Variants in CNTN4 observed in about 807,000 individuals in gnomAD.
CNTN4 encodes the protein contactin-4.
A neutral mutation model predicts 122.5 loss-of-function variants in CNTN4; 77 were observed. That is an observed-to-expected ratio of 0.63 (90% confidence interval 0.52 to 0.76). The LOEUF is 0.76. CNTN4 is among the 30% of genes least tolerant of loss of function. The pLI is 0.00. For synonymous variants in CNTN4, 512 were observed against 447.0 expected (o/e 1.15, Z -1.83); for missense variants, 1,256 against 1,259.1 (o/e 1.00, Z 0.04).
At chr3:2,273,649 G>C (rs76830664) in intron 2 of CNTN4, among the ~76,000 whole-genome samples, 1 of 152,124 alleles carries the variant, frequency 6.6e-6, no homozygotes, top group African/African-American at 2.4e-5. Context: ...AGCCTGCCTA[G>C]TAAAGGAAAT....
intron 13 of CNTN4, among the ~76,000 whole-genome samples, chr3:2,974,211 T>A (rs1402580539): frequency 6.6e-6 from 1 of 152,218 alleles, no homozygotes; most frequent in Non-Finnish European, 1.5e-5. Flanking sequence ...TTTATCACAT[T>A]TATTTTTATG....
intron 2 of CNTN4, among the ~76,000 whole-genome samples, chr3:2,236,888 A>G (rs1466319459): frequency 6.6e-6 from 1 of 152,184 alleles, no homozygotes; most frequent in Non-Finnish European, 1.5e-5. Flanking sequence ...AGTAGGCAGA[A>G]GACGGTTAAG....
chr3:2,274,897 G>A (rs201708156), intron 2 of CNTN4, among the ~76,000 whole-genome samples: 1 of 122,338 alleles, frequency 8.2e-6, no homozygotes, highest in Non-Finnish European at 1.9e-5. Context: ...ATCATATCCT[G>A]AGTACTGATG....
At chr3:2,425,056 C>CAGAA (rs1166979537) in intron 3 of CNTN4, among the ~76,000 whole-genome samples, 2 of 152,128 alleles carry the variant, frequency 1.3e-5, no homozygotes, top group African/African-American at 4.8e-5. Context: ...TTTTGCTGTG[C>CAGAA]AGAAGCTCTT....
At chr3:2,762,889 C>G (rs562144941) in intron 6 of CNTN4, among the ~76,000 whole-genome samples, 44 of 146,130 alleles carry the variant, frequency 3.0e-4, no homozygotes, top group Admixed American at 6.8e-4. Flanking sequence ...GAGGTGGTAT[C>G]TCATTGTGGT....
At chr3:2,172,139 A>T (rs946614128) in intron 2 of CNTN4, among the ~76,000 whole-genome samples, 2 of 152,218 alleles carry the variant, frequency 1.3e-5, no homozygotes, top group Non-Finnish European at 2.9e-5. Context: ...GAATTTATTA[A>T]GAATGATTAG....
intron 12 of CNTN4, among the ~76,000 whole-genome samples, chr3:2,922,299 A>C (rs6771937): frequency 0.69 from 104,415 of 152,014 alleles, 35,966 homozygotes; most frequent in Non-Finnish European, 0.72. Flanking sequence ...GTGAATGTCA[A>C]ATAGAACAGG....
At chr3:2,694,345 CT>C (rs1348380806) in intron 4 of CNTN4, among the ~76,000 whole-genome samples, 1 of 152,214 alleles carries the variant, frequency 6.6e-6, no homozygotes, top group Non-Finnish European at 1.5e-5. Flanking sequence ...ACAGTGAGTT[CT>C]ATCTTATGTC....
intron 6 of CNTN4, among the ~76,000 whole-genome samples, chr3:2,801,429 T>A (rs2092343853): frequency 1.3e-5 from 2 of 152,184 alleles, no homozygotes; most frequent in South Asian, 4.1e-4. Context: ...AGAGGAGCAA[T>A]AGTAATAACA....
At position 2,850,190 on chromosome 3, in the gene CNTN4, A is replaced by G. The variant is rs375337842; in HGVS notation, c.455-16562A>G. Among the ~76,000 whole-genome samples, 543 of 152,144 alleles carry G rather than the reference A, an allele frequency of 3.6e-3. 2 individuals carry two copies. The highest frequency in any genetic ancestry group is 0.012 in the African/African-American group (517 of 41,528). ...TTTTTAGTAGAGACCAGGTTTCACC[A>G]TGTTGGCCAGGCTGGTCTCAAACTC... is the stretch of plus-strand genomic sequence containing the variant. On this transcript the variant is annotated intron_variant, in intron 7 of 24. Transcript: ENST00000418658.
intron 2 of CNTN4, among the ~76,000 whole-genome samples, chr3:2,191,195 A>G (rs1395059840): frequency 6.6e-6 from 1 of 151,572 alleles, no homozygotes; most frequent in Non-Finnish European, 1.5e-5. Context: ...CAGCCTTCCT[A>G]GTAGCTGTGA....
At chr3:2,663,122 G>C (rs2083982638) in intron 4 of CNTN4, among the ~76,000 whole-genome samples, 1 of 151,882 alleles carries the variant, frequency 6.6e-6, no homozygotes, top group Admixed American at 6.6e-5. Context: ...AAAAAGAAAA[G>C]GGAAATAAAG....
At chr3:2,721,723 G>T (rs2087867624) in intron 4 of CNTN4, among the ~76,000 whole-genome samples, 1 of 151,966 alleles carries the variant, frequency 6.6e-6, no homozygotes, top group African/African-American at 2.4e-5. Flanking sequence ...GGGTTTGCCT[G>T]CTCACCTCCT....
At chr3:2,188,240 A>T (rs1261615840) in intron 2 of CNTN4, among the ~76,000 whole-genome samples, 1 of 152,070 alleles carries the variant, frequency 6.6e-6, no homozygotes, top group East Asian at 1.9e-4. Context: ...GAGAGTCCAT[A>T]TTTGCCTTTC....
intron 5 of CNTN4, among the ~76,000 whole-genome samples, chr3:2,738,389 C>G (rs1050539546): frequency 6.6e-6 from 1 of 152,146 alleles, no homozygotes; most frequent in Non-Finnish European, 1.5e-5. Flanking sequence ...CTAAATACTT[C>G]TTTTAAAGCA....
intron 13 of CNTN4, among the ~76,000 whole-genome samples, chr3:2,981,430 C>A (rs541172224): frequency 5.5e-4 from 84 of 152,006 alleles, no homozygotes; most frequent in African/African-American, 1.8e-3. Flanking sequence ...GGCGACAGAG[C>A]GAGACTCCGT....
intron 7 of CNTN4, among the ~76,000 whole-genome samples, chr3:2,860,089 T>C (rs71613527): frequency 0.039 from 5,906 of 152,270 alleles, 135 homozygotes; most frequent in African/African-American, 0.046. Flanking sequence ...AGTCTCTTAG[T>C]TGGAAGGCTT....
chr3:2,778,306 A>AAGAGAAAACCATGATACAATTGTTTTTG, intron 6 of CNTN4, among the ~76,000 whole-genome samples: 1 of 152,112 alleles, frequency 6.6e-6, no homozygotes, highest in Non-Finnish European at 1.5e-5. Flanking sequence ...ATGTATGTAT[A>AAGAGAAAACCATGATACAATTGTTTTTG]AGAGAAAACC....
chr3:2,916,057 A>G (rs1237672666), intron 12 of CNTN4, among the ~76,000 whole-genome samples: 1 of 152,240 alleles, frequency 6.6e-6, no homozygotes, highest in Non-Finnish European at 1.5e-5. Flanking sequence ...GGTAATGGGT[A>G]TCAACATTTA....
Sources: allele counts gnomAD v4.1 joint callset (sites outside exome capture counted in the v4.1 genomes callset), GRCh38; gene constraint gnomAD v4.1.1; transcripts MANE v1.5; gene names NCBI Gene and HGNC (gene_info 2026-07-23, HGNC 2026-07-21).